Variants in NF1 observed in about 807,000 individuals in gnomAD.
The protein encoded by NF1 is neurofibromin.
NF1 carries 122 observed loss-of-function variants against 325.7 expected under a neutral mutation model. The observed-to-expected ratio is 0.37, with a 90% CI of 0.32 to 0.44. The LOEUF (loss-of-function observed/expected upper bound fraction) is 0.44. Ranked by LOEUF, NF1 falls within the 20% of genes least tolerant of loss-of-function variation. NF1 has a pLI of 1.00. For synonymous variants in NF1, 1,091 were observed against 1,186.0 expected (o/e 0.92, Z 1.65); for missense variants, 2,140 against 3,415.4 (o/e 0.63, Z 9.31).
At chr17:31,096,661 T>C (rs1911749935) in intron 1 of NF1, among the ~76,000 whole-genome samples, 2 of 152,198 alleles carry the variant, frequency 1.3e-5, no homozygotes, top group Non-Finnish European at 2.9e-5. Flanking sequence ...AGAGCTCTTC[T>C]GTTATTTGAT....
At chr17:31,280,558 C>CCTGG (rs1460205180) in intron 36 of NF1, among the ~76,000 whole-genome samples, 1 of 150,380 alleles carries the variant, frequency 6.6e-6, no homozygotes, top group Non-Finnish European at 1.5e-5. Context: ...TCATACTTAG[C>CCTGG]CTGGAGGCCA....
At chr17:31,366,512 C>T (rs898167328) in intron 57 of NF1, among the ~76,000 whole-genome samples, 11 of 152,084 alleles carry the variant, frequency 7.2e-5, no homozygotes, top group Admixed American at 6.5e-5. Context: ...GCTCTGTGTA[C>T]GGAGGGATAT....
intron 36 of NF1, among the ~76,000 whole-genome samples, chr17:31,288,133 A>G (rs543026216): frequency 6.6e-6 from 1 of 152,144 alleles, no homozygotes; most frequent in African/African-American, 2.4e-5. Context: ...AAATACAAAA[A>G]AAATAAAAAA....
At chr17:31,110,604 A>C (rs904071031) in intron 1 of NF1, among the ~76,000 whole-genome samples, 2 of 152,208 alleles carry the variant, frequency 1.3e-5, no homozygotes, top group Non-Finnish European at 2.9e-5. Context: ...GGGTGGAAAA[A>C]TTCAAGAGAA....
At position 31,095,305 on chromosome 17, in the gene NF1, A is replaced by G. The variant is rs2143144065; in HGVS notation, c.-5A>G. Reference sequence around the variant, plus strand: ...CCTCCGCCGCCCCCCGGCCGCGGGGAGGACATGGCCGCGCACAGGCCGGTG... The same window carrying G: ...CCTCCGCCGCCCCCCGGCCGCGGGGGGGACATGGCCGCGCACAGGCCGGTG... On this transcript the variant is annotated 5_prime_UTR_variant, in exon 1 of 58. Coordinates refer to ENST00000358273, the MANE Select transcript of NF1 (RefSeq NM_001042492.3). 1 of 1,535,966 alleles carries G rather than the reference A, an allele frequency of 6.5e-7. No individual in the cohort carries two copies. Among genetic ancestry groups the G allele is most frequent in the East Asian group, 2.5e-5 (1 of 40,780 alleles).
In NF1 at chr17:31,375,754, A is replaced by G. The variant is rs755091945; in HGVS notation, c.*1599A>G. ...GGTACATTTAAGTGTTCTGATTTTA[A>G]TAATATATTTCACATTTATCCACAC... On this transcript the variant is annotated 3_prime_UTR_variant, in exon 58 of 58. Transcript: ENST00000358273. 2 of 232,458 alleles carry G rather than the reference A, an allele frequency of 8.6e-6. No individual in the cohort carries two copies. The highest frequency in any genetic ancestry group is 1.7e-5 in the Non-Finnish European group (2 of 117,402). The allele number at this position is 232,458 out of a possible 1,614,324, so 14.4% of individuals were successfully genotyped here. A position where few individuals can be genotyped will look rare whatever the true frequency, so the allele number is the denominator to read the frequency against.
intron 31 of NF1, chr17:31,253,653 G>T (rs1347747415): frequency 6.6e-6 from 1 of 152,180 alleles, no homozygotes; most frequent in Non-Finnish European, 1.5e-5. Context: ...ACATCATTCT[G>T]CAAACATAAT....
chr17:31,277,540 C>G (rs547004990), intron 36 of NF1, among the ~76,000 whole-genome samples: 4 of 152,316 alleles, frequency 2.6e-5, no homozygotes, highest in Admixed American at 2.6e-4. Context: ...CAAATCCACT[C>G]TGTTCTTTAC....
In NF1 at chr17:31,295,440, G is replaced by A. The variant is rs775519411; in HGVS notation, c.4835+30101G>A. The A allele has an allele frequency of 2.4e-5, 39 of 1,613,968 alleles. No individual in the cohort carries two copies. In the South Asian group the frequency reaches 4.2e-4, roughly 17 times the overall value. On this transcript the variant is annotated intron_variant, in intron 36 of 57. Coordinates refer to ENST00000358273, the MANE Select transcript of NF1 (RefSeq NM_001042492.3). ...TGTTTGGGTATTTTGGTCACTTTGG[G>A]TTGAGTTACCACACTCAGAGAGTTA... is the stretch of plus-strand genomic sequence containing the variant.
chr17:31,285,277 TAAAAAAA>T (rs36047376), intron 36 of NF1, among the ~76,000 whole-genome samples: 2 of 120,896 alleles, frequency 1.7e-5, no homozygotes, highest in South Asian at 2.7e-4. Context: ...AGATTCTGTT[TAAAAAAA>T]AAAAAAAAAA....
chr17:31,267,914 G>A (rs2067820154), intron 36 of NF1, among the ~76,000 whole-genome samples: 1 of 152,068 alleles, frequency 6.6e-6, no homozygotes, highest in African/African-American at 2.4e-5. Flanking sequence ...GGTTTTACCT[G>A]TGAGATCCTG....
chr17:31,243,000 A>G (rs759563779), intron 29 of NF1, among the ~76,000 whole-genome samples: 2 of 152,130 alleles, frequency 1.3e-5, no homozygotes, highest in Non-Finnish European at 2.9e-5. Context: ...CACTGCAGCT[A>G]TATCTGCTTT....
At chr17:31,297,087 A>G (rs2068482765) in intron 36 of NF1, 1 of 152,222 alleles carries the variant, frequency 6.6e-6, no homozygotes, top group Non-Finnish European at 1.5e-5. Flanking sequence ...CCTAACGTTG[A>G]CTTTTTCTTA....
At chr17:31,204,147 G>A (rs1440622202) in intron 11 of NF1, among the ~76,000 whole-genome samples, 1 of 152,010 alleles carries the variant, frequency 6.6e-6, no homozygotes, top group Non-Finnish European at 1.5e-5. Flanking sequence ...AATTTAAAAA[G>A]TAATATACAC....
In NF1 at chr17:31,334,995, A is replaced by G. The variant is rs876658601; in HGVS notation, c.5970A>G (p.Pro1990=). 1.2e-6 allele frequency: 2 copies of G among 1,613,328 alleles called. No individual in the cohort carries two copies. Among genetic ancestry groups the G allele is most frequent in the Admixed American group, 1.7e-5 (1 of 59,848 alleles). Residue 1990 remains proline, a synonymous_variant, in exon 40 of 58, where the codon CCA becomes CCG. Coordinates refer to ENST00000358273, the MANE Select transcript of NF1 (RefSeq NM_001042492.3). ...TMTINEKQMY[P]SIQAKIWGSL... ...CCATCAATGAAAAACAGATGTACCC[A>G]TCTATTCAAGCAAAAATATGGGGAA...
intron 1 of NF1, among the ~76,000 whole-genome samples, chr17:31,153,262 CTT>C (rs1029212847): frequency 6.6e-6 from 1 of 152,130 alleles, no homozygotes; most frequent in African/African-American, 2.4e-5. Context: ...AAACTTTAAA[CTT>C]TTGATTTCTT....
intron 29 of NF1, among the ~76,000 whole-genome samples, chr17:31,239,039 A>G (rs2067250531): frequency 6.6e-6 from 1 of 152,240 alleles, no homozygotes. Context: ...AAACATTACA[A>G]TGCATGCTAA....
chr17:31,144,831 C>T (rs1223361857), intron 1 of NF1, among the ~76,000 whole-genome samples: 1 of 152,112 alleles, frequency 6.6e-6, no homozygotes, highest in African/African-American at 2.4e-5. Flanking sequence ...ACTGGACCTG[C>T]TAGATGAAAG....
rs922351131 is a variant in NF1 at position 31,125,323 on chromosome 17, TA to T, written c.60+29955del. On this transcript the variant is annotated intron_variant, in intron 1 of 57. Transcript: ENST00000358273. The stretch of plus-strand genomic sequence containing the variant: ...GTTCATTATTTGTATATATTGTATA[TA>T]TATATATATCTGGGCTATTGATGCA... Among the ~76,000 whole-genome samples, 34 of 152,024 alleles carry T rather than the reference TA, an allele frequency of 2.2e-4. 1 individual carries two copies. The highest frequency in any genetic ancestry group is 1.9e-3 in the Admixed American group (29 of 15,272).
Sources: gnomAD v4.1 joint callset for allele counts (sites outside exome capture counted in the v4.1 genomes callset) on GRCh38, gnomAD v4.1.1 for gene constraint, MANE v1.5 for transcripts, NCBI Gene and HGNC (gene_info 2026-07-23, HGNC 2026-07-21) for gene names.